The following AOPEP variants were observed in gnomAD, a reference collection of about 807,000 sequenced individuals.
AOPEP encodes the protein aminopeptidase O (putative).
In AOPEP, 77 loss-of-function variants were observed where a neutral mutation model predicts 98.1. That is an observed-to-expected ratio of 0.78 (90% confidence interval 0.65 to 0.95). AOPEP has a LOEUF of 0.95. Among genes scored for constraint, AOPEP ranks in the 40% least tolerant of loss-of-function variants. AOPEP has a pLI of 0.00. For synonymous variants in AOPEP, 346 were observed against 365.3 expected, an observed-to-expected ratio of 0.95 and a Z score of 0.60; for missense variants, 1,024 against 1,024.7, an observed-to-expected ratio of 1.00 and a Z score of 0.01.
chr9:94,880,190 C>T (rs943783720), intron 5 of AOPEP, among the ~76,000 whole-genome samples: 4 of 152,140 alleles, frequency 2.6e-5, no homozygotes, highest in Non-Finnish European at 4.4e-5. Context: ...TTACAGGTAT[C>T]ATCTTCAATC....
chr9:95,062,580 G>A (rs559312059), intron 14 of AOPEP, among the ~76,000 whole-genome samples: 3 of 152,272 alleles, frequency 2.0e-5, no homozygotes, highest in African/African-American at 4.8e-5. Flanking sequence ...TGGATGGGCC[G>A]GTACAGGCCC....
At chr9:94,947,016 G>A (rs1245331569) in intron 7 of AOPEP, among the ~76,000 whole-genome samples, 4 of 147,762 alleles carry the variant, frequency 2.7e-5, no homozygotes, top group African/African-American at 5.0e-5. Context: ...TCGCTCTGTC[G>A]CCCAGGCTGG....
At chr9:94,922,043 G>C (rs1277761078) in intron 5 of AOPEP, among the ~76,000 whole-genome samples, 1 of 152,120 alleles carries the variant, frequency 6.6e-6, no homozygotes, top group Non-Finnish European at 1.5e-5. Flanking sequence ...ATTGAAGGGT[G>C]GGGAGGGAAG....
chr9:94,750,756 C>CTTTT (rs536762614), intron 1 of AOPEP, among the ~76,000 whole-genome samples: 22 of 130,904 alleles, frequency 1.7e-4, no homozygotes, highest in Non-Finnish European at 1.8e-4. Context: ...TCTTTTCTTT[C>CTTTT]TTTTTTTTTT....
intron 5 of AOPEP, among the ~76,000 whole-genome samples, chr9:94,869,124 G>T (rs1386919221): frequency 6.6e-6 from 1 of 152,182 alleles, no homozygotes; most frequent in Non-Finnish European, 1.5e-5. Flanking sequence ...AGCTACTTGG[G>T]AGGCTGAGGC....
intron 14 of AOPEP, among the ~76,000 whole-genome samples, chr9:95,076,367 G>A (rs190541812): frequency 2.0e-5 from 3 of 152,274 alleles, no homozygotes; most frequent in Admixed American, 6.5e-5. Flanking sequence ...TCAGGGCACC[G>A]GATGACCCAC....
At chr9:94,762,802 G>A (rs1336777844) in intron 2 of AOPEP, among the ~76,000 whole-genome samples, 2 of 152,270 alleles carry the variant, frequency 1.3e-5, no homozygotes, top group East Asian at 1.9e-4. Context: ...GGATGTACTG[G>A]TAACTGTTTG....
intron 14 of AOPEP, among the ~76,000 whole-genome samples, chr9:95,071,215 C>G (rs1215397523): frequency 6.6e-6 from 1 of 151,862 alleles, no homozygotes; most frequent in Non-Finnish European, 1.5e-5. Context: ...TGGTTGTTTC[C>G]CAAATCTGAA....
chr9:95,079,323 C>CA (rs1200711317), intron 14 of AOPEP, among the ~76,000 whole-genome samples: 1 of 152,212 alleles, frequency 6.6e-6, no homozygotes, highest in Non-Finnish European at 1.5e-5. Context: ...GGGCCCTCGC[C>CA]AAAATGTTGA....
At chr9:95,037,998 A>G (rs1449003947) in intron 13 of AOPEP, among the ~76,000 whole-genome samples, 1 of 152,166 alleles carries the variant, frequency 6.6e-6, no homozygotes, top group East Asian at 1.9e-4. Context: ...TGGGAAATAC[A>G]GTAATGTGAG....
At chr9:94,742,975 A>G (rs7853126) in intron 1 of AOPEP, among the ~76,000 whole-genome samples, 34,182 of 151,868 alleles carry the variant, frequency 0.23, 5,590 homozygotes, top group African/African-American at 0.46. Flanking sequence ...TTTGTAGAAT[A>G]ATGAGTTGAG....
chr9:95,091,909 G>A (rs1418593561), downstream of AOPEP, among the ~76,000 whole-genome samples: 1 of 152,182 alleles, frequency 6.6e-6, no homozygotes, highest in African/African-American at 2.4e-5. Flanking sequence ...CCCAGCCTGA[G>A]AAGCCACTCT....
chr9:94,739,886 T>A (rs1832691306), intron 1 of AOPEP, among the ~76,000 whole-genome samples: 1 of 152,124 alleles, frequency 6.6e-6, no homozygotes, highest in East Asian at 1.9e-4. Flanking sequence ...CTCCCCATCT[T>A]GAGGGTGGAG....
chr9:95,120,142 T>C, the AOPEP span, among the ~76,000 whole-genome samples: 1 of 152,242 alleles, frequency 6.6e-6, no homozygotes, highest in Non-Finnish European at 1.5e-5. Context: ...GCTTTATCTT[T>C]CTAACATTTC....
intron 5 of AOPEP, among the ~76,000 whole-genome samples, chr9:94,817,430 C>G (rs7861358): frequency 0.78 from 118,860 of 152,130 alleles, 47,913 homozygotes; most frequent in Non-Finnish European, 0.89. Flanking sequence ...GCTGCATGGA[C>G]GAGTGTGGTG....
chr9:94,844,687 C>T (rs926302428), intron 5 of AOPEP, among the ~76,000 whole-genome samples: 2 of 152,224 alleles, frequency 1.3e-5, no homozygotes, highest in East Asian at 1.9e-4. Flanking sequence ...AGACACATAT[C>T]GAATAGCCAC....
At chr9:95,092,369 C>T in the AOPEP span, among the ~76,000 whole-genome samples, 1 of 152,010 alleles carries the variant, frequency 6.6e-6, no homozygotes, top group Non-Finnish European at 1.5e-5. Flanking sequence ...CCCTGGCAGT[C>T]GCTGAGTGGG....
intron 5 of AOPEP, among the ~76,000 whole-genome samples, chr9:94,902,839 T>G (rs561495746): frequency 1.6e-4 from 24 of 151,910 alleles, no homozygotes; most frequent in African/African-American, 5.5e-4. Context: ...GCAGATCACC[T>G]GAGGTTGGGA....
chr9:94,865,942 G>A (rs1285375276), intron 5 of AOPEP, among the ~76,000 whole-genome samples: 1 of 152,210 alleles, frequency 6.6e-6, no homozygotes, highest in Non-Finnish European at 1.5e-5. Flanking sequence ...CTAGAGGAAG[G>A]TAACAGGTCT....
Sources: gnomAD v4.1 joint callset for allele counts (sites outside exome capture counted in the v4.1 genomes callset) on GRCh38, gnomAD v4.1.1 for gene constraint, MANE v1.5 for transcripts, NCBI Gene and HGNC (gene_info 2026-07-23, HGNC 2026-07-21) for gene names.